NBEA: variants seen among roughly 807,000 people sequenced by gnomAD.
NBEA encodes neurobeachin.
Under a neutral mutation model 343.4 loss-of-function variants are expected in NBEA, and 44 were observed. That is an observed-to-expected ratio of 0.13 (90% CI 0.10 to 0.16). NBEA has a LOEUF of 0.16. Among genes scored for constraint, NBEA ranks in the 10% least tolerant of loss-of-function variants. NBEA has a pLI of 1.00. For missense variants in NBEA, 2,555 were observed against 3,631.3 expected, an observed-to-expected ratio of 0.70 and a Z score of 7.62; for synonymous variants, 1,175 against 1,238.7, an observed-to-expected ratio of 0.95 and a Z score of 1.08.
At chr13:35,113,621 C>CTATCTA (rs1394454457) in intron 13 of NBEA, among the ~76,000 whole-genome samples, 1 of 151,812 alleles carries the variant, frequency 6.6e-6, no homozygotes, top group African/African-American at 2.4e-5. Flanking sequence ...ATCTATCTAT[C>CTATCTA]TATCTATCTG....
chr13:35,536,748 A>C (rs570336310), intron 41 of NBEA, among the ~76,000 whole-genome samples: 1 of 152,236 alleles, frequency 6.6e-6, no homozygotes, highest in African/African-American at 2.4e-5. Context: ...GCTGTCAAAA[A>C]CCCAGGTGCA....
intron 47 of NBEA, among the ~76,000 whole-genome samples, chr13:35,604,742 C>G (rs971332221): frequency 3.9e-5 from 6 of 152,086 alleles, no homozygotes; most frequent in Non-Finnish European, 7.4e-5. Context: ...TTGATCTACC[C>G]ACAATATACC....
chr13:35,425,032 C>T (rs2044562748), intron 38 of NBEA, among the ~76,000 whole-genome samples: 1 of 152,016 alleles, frequency 6.6e-6, no homozygotes, highest in Admixed American at 6.6e-5. Context: ...TTTGATTCTT[C>T]TCTATTTTCT....
At chr13:35,153,467 C>A (rs1483400078) in intron 18 of NBEA, among the ~76,000 whole-genome samples, 1 of 152,094 alleles carries the variant, frequency 6.6e-6, no homozygotes, top group African/African-American at 2.4e-5. Flanking sequence ...TTTCAGTCTG[C>A]AAACATTTAG....
chr13:35,355,825 A>G (rs2040461177), intron 38 of NBEA, among the ~76,000 whole-genome samples: 1 of 151,200 alleles, frequency 6.6e-6, no homozygotes, highest in Admixed American at 6.6e-5. Flanking sequence ...TACCATCTCA[A>G]AAAAAAAATC....
chr13:35,502,230 T>C lies in NBEA; in HGVS notation c.6585+29694T>C, dbSNP rs17052285. 3.4e-3 allele frequency among the ~76,000 whole-genome samples: 517 copies of C among 152,268 alleles called. 4 individuals carry two copies. The highest frequency in any genetic ancestry group is 0.012 in the African/African-American group (498 of 41,574). Reference sequence around the variant, plus strand: ...TTAGGCTAACCTTTTGAAAACATCATGCTATAAAAAATTTTTGTTTATTTT... The same window carrying C: ...TTAGGCTAACCTTTTGAAAACATCACGCTATAAAAAATTTTTGTTTATTTT... On this transcript the variant is annotated intron_variant, in intron 41 of 58. Coordinates refer to ENST00000379939, the MANE Select transcript of NBEA (RefSeq NM_001385012.1).
intron 38 of NBEA, among the ~76,000 whole-genome samples, chr13:35,404,929 G>A (rs1248863743): frequency 6.6e-6 from 1 of 151,940 alleles, no homozygotes; most frequent in Non-Finnish European, 1.5e-5. Flanking sequence ...GAGAAGAATA[G>A]CATAGAACTT....
intron 33 of NBEA, among the ~76,000 whole-genome samples, chr13:35,227,017 T>C (rs7995426): frequency 0.02 from 3,084 of 152,276 alleles, 68 homozygotes; most frequent in African/African-American, 0.053. Context: ...CTTAGTCTTC[T>C]ATAGCTTTAT....
At chr13:35,068,996 T>C (rs2063762008) in intron 8 of NBEA, among the ~76,000 whole-genome samples, 1 of 152,096 alleles carries the variant, frequency 6.6e-6, no homozygotes, top group Admixed American at 6.6e-5. Context: ...TTTAACCTTA[T>C]AACATTAGAG....
intron 49 of NBEA, among the ~76,000 whole-genome samples, chr13:35,632,386 C>G (rs1165504236): frequency 2.6e-5 from 4 of 152,104 alleles, no homozygotes; most frequent in African/African-American, 9.7e-5. Flanking sequence ...TCTCAGCCTT[C>G]CCCAACCTAC....
chr13:35,128,937 A>T (rs553620876), intron 17 of NBEA, among the ~76,000 whole-genome samples: 1 of 152,198 alleles, frequency 6.6e-6, no homozygotes, highest in African/African-American at 2.4e-5. Flanking sequence ...ATAGAGAGTG[A>T]GAGAAAAGAT....
intron 1 of NBEA, among the ~76,000 whole-genome samples, chr13:35,036,266 A>T (rs2062438280): frequency 6.6e-6 from 1 of 152,124 alleles, no homozygotes; most frequent in Non-Finnish European, 1.5e-5. Flanking sequence ...CAAACAAACA[A>T]GCAAAAAGAA....
intron 10 of NBEA, among the ~76,000 whole-genome samples, chr13:35,072,400 A>G (rs953142519): frequency 3.9e-5 from 6 of 152,180 alleles, no homozygotes; most frequent in African/African-American, 1.4e-4. Flanking sequence ...TGGTATTTAA[A>G]TTGTATTTAT....
intron 16 of NBEA, among the ~76,000 whole-genome samples, chr13:35,119,476 T>G (rs1254103683): frequency 6.6e-6 from 1 of 152,210 alleles, no homozygotes; most frequent in Non-Finnish European, 1.5e-5. Context: ...TATCTCTTTA[T>G]GCATATCTCA....
rs35883993 is a variant in NBEA at position 35,130,071 on chromosome 13, T to A, written c.2336+6497T>A. Among the ~76,000 whole-genome samples the A allele has an allele frequency of 2.6e-3, 400 of 152,266 alleles. 1 individual carries two copies. The highest frequency in any genetic ancestry group is 4.3e-3 in the Non-Finnish European group (294 of 67,982). ...AGGAATGGAACAAATGATATATTTT[T>A]ATTTGCATTTAAAAAGTTAATAGGC... On this transcript the variant is annotated intron_variant, in intron 17 of 58. Transcript: ENST00000379939.
At chr13:35,166,871 G>A (rs939929842) in intron 24 of NBEA, among the ~76,000 whole-genome samples, 3 of 151,944 alleles carry the variant, frequency 2.0e-5, no homozygotes, top group Non-Finnish European at 4.4e-5. Context: ...AGTGTAAAAA[G>A]CCAAAAGAGA....
intron 6 of NBEA, 139 bp from the exon 7 acceptor site, chr13:35,055,871 G>GA: frequency 1.9e-6 from 1 of 523,140 alleles, no homozygotes; most frequent in Non-Finnish European, 3.0e-6. Context: ...ATGAGAGGGG[G>GA]AACTTGATCA....
chr13:35,604,104 GT>G (rs1474714783), intron 47 of NBEA, among the ~76,000 whole-genome samples: 5 of 152,108 alleles, frequency 3.3e-5, no homozygotes, highest in African/African-American at 1.2e-4. Flanking sequence ...ACACTGTCAT[GT>G]TTGCCCAGCC....
chr13:35,588,131 ACAGTGCATCTCAATTTGAACTAGC>A (rs2081366467), intron 46 of NBEA, among the ~76,000 whole-genome samples: 1 of 152,150 alleles, frequency 6.6e-6, no homozygotes, highest in Admixed American at 6.6e-5. Flanking sequence ...TTTTATATTT[ACAGTGCATCTCAATTTGAACTAGC>A]CACACTTCAA....
Sources: gnomAD v4.1 joint callset for allele counts (sites outside exome capture counted in the v4.1 genomes callset) on GRCh38, gnomAD v4.1.1 for gene constraint, MANE v1.5 for transcripts, NCBI Gene and HGNC (gene_info 2026-07-23, HGNC 2026-07-21) for gene names.